The following ME3 variants were observed in gnomAD, a reference collection of about 807,000 sequenced individuals.
ME3 encodes the protein malic enzyme 3.
ME3 carries 48 observed loss-of-function variants against 68.9 expected under a neutral mutation model. The observed-to-expected ratio is 0.70, with a 90% CI of 0.55 to 0.89. The LOEUF (loss-of-function observed/expected upper bound fraction) is 0.89, where lower values mean the gene tolerates loss of function less well. Ranked by LOEUF, ME3 falls within the 40% of genes least tolerant of loss-of-function variation. ME3 has a pLI of 0.00. For synonymous variants in ME3, 320 were observed against 318.8 expected (o/e 1.00, Z -0.04); for missense variants, 675 against 797.4 (o/e 0.85, Z 1.85).
At position 86,669,687 on chromosome 11, in the gene ME3, A is replaced by G. The variant is rs1946802435; in HGVS notation, c.183+2075T>C. 5.3e-5 allele frequency among the ~76,000 whole-genome samples: 8 copies of G among 152,152 alleles called. No individual in the cohort carries two copies. In the South Asian group the frequency reaches 1.7e-3, roughly 32 times the overall value. On this transcript the variant is annotated intron_variant, in intron 2 of 14. Coordinates refer to ENST00000543262, the Ensembl canonical transcript of ME3. Reference sequence around the variant, plus strand: ...GGGATTATGGGGATTATAATTCAAGATGAGATTTGTATGGGGACACAGCCA... The same window carrying G: ...GGGATTATGGGGATTATAATTCAAGGTGAGATTTGTATGGGGACACAGCCA...
chr11:86,482,362 G>A (rs1418472151), intron 7 of ME3, among the ~76,000 whole-genome samples: 3 of 152,106 alleles, frequency 2.0e-5, no homozygotes, highest in Non-Finnish European at 2.9e-5. Context: ...AGTGTCTGGT[G>A]TACAGCAGGT....
chr11:86,537,698 T>C (rs1464492310), intron 4 of ME3, among the ~76,000 whole-genome samples: 1 of 152,214 alleles, frequency 6.6e-6, no homozygotes, highest in African/African-American at 2.4e-5. Context: ...CAAAGGCCTC[T>C]TAGGAGGCAA....
intron 2 of ME3, among the ~76,000 whole-genome samples, chr11:86,606,767 T>C (rs1179987782): frequency 1.3e-5 from 2 of 152,208 alleles, no homozygotes; most frequent in East Asian, 1.9e-4. Flanking sequence ...GGTTGGTTGA[T>C]TGGTATTGAT....
chr11:86,565,586 A>T (rs1206515928), intron 2 of ME3, among the ~76,000 whole-genome samples: 2 of 152,264 alleles, frequency 1.3e-5, no homozygotes, highest in Non-Finnish European at 1.5e-5. Context: ...TTCATGGATG[A>T]ACCTTGAAAA....
chr11:86,610,624 G>T (rs1396157132), intron 2 of ME3, among the ~76,000 whole-genome samples: 1 of 141,652 alleles, frequency 7.1e-6, no homozygotes, highest in Non-Finnish European at 1.5e-5. Flanking sequence ...GTGCATGCAT[G>T]AATCTATTGG....
At chr11:86,662,675 G>T (rs532285666) in intron 2 of ME3, among the ~76,000 whole-genome samples, 5 of 152,298 alleles carry the variant, frequency 3.3e-5, no homozygotes, top group Admixed American at 2.0e-4. Context: ...TTGTGGTATT[G>T]TATTAAATGG....
chr11:86,671,630 C>T lies in ME3; in HGVS notation c.183+132G>A, dbSNP rs1008278485. The T allele has an allele frequency of 5.4e-6, 6 of 1,119,778 alleles. No individual in the cohort carries two copies. The South Asian group carries it at 8.8e-5, about 16-fold the overall frequency. The allele number at this position is 1,119,778 out of a possible 1,614,324, so 69.4% of individuals were successfully genotyped here. On this transcript the variant is annotated intron_variant, in intron 2 of 14. Coordinates refer to ENST00000543262, the Ensembl canonical transcript of ME3. ...AAGCCAAACCAAGTCACAACAAGCC[C>T]CTGCAAGGCAAAAACAGAAAAACCG... is the stretch of plus-strand genomic sequence containing the variant.
intron 4 of ME3, among the ~76,000 whole-genome samples, chr11:86,541,567 A>T (rs1281667572): frequency 6.6e-5 from 10 of 152,316 alleles, no homozygotes; most frequent in South Asian, 6.2e-4. Context: ...ACAGTACCAC[A>T]AAGCCACTGT....
At chr11:86,450,081 A>T in intron 9 of ME3, 79 bp from the exon 10 acceptor site, 1 of 1,234,670 alleles carries the variant, frequency 8.1e-7, no homozygotes, top group Non-Finnish European at 1.2e-6. Context: ...TGCCATAAGG[A>T]CCCCCTTTTC....
At chr11:86,507,354 T>C (rs1427986338) in intron 5 of ME3, among the ~76,000 whole-genome samples, 1 of 152,204 alleles carries the variant, frequency 6.6e-6, no homozygotes, top group Admixed American at 6.5e-5. Flanking sequence ...ACCTTCTCTG[T>C]ATCTGAACTT....
intron 7 of ME3, among the ~76,000 whole-genome samples, chr11:86,486,692 G>A (rs949126428): frequency 6.6e-6 from 1 of 152,246 alleles, no homozygotes; most frequent in Non-Finnish European, 1.5e-5. Context: ...TTCTCTCAGA[G>A]TAAACATGGG....
intron 2 of ME3, among the ~76,000 whole-genome samples, chr11:86,578,119 TG>T (rs1958222049): frequency 6.6e-6 from 1 of 152,202 alleles, no homozygotes; most frequent in Non-Finnish European, 1.5e-5. Flanking sequence ...GGTGGATAGT[TG>T]GAAAGATTAT....
chr11:86,541,199 C>T (rs1201805003), intron 4 of ME3, among the ~76,000 whole-genome samples: 82 of 152,088 alleles, frequency 5.4e-4, no homozygotes, highest in Admixed American at 5.3e-3. Flanking sequence ...GTTTCAAGCA[C>T]AAAACTGGGC....
chr11:86,511,380 C>T (rs1452216560), intron 4 of ME3, among the ~76,000 whole-genome samples: 2 of 152,176 alleles, frequency 1.3e-5, no homozygotes, highest in Non-Finnish European at 2.9e-5. Flanking sequence ...TGGTCTTTTT[C>T]CATTCCTTTA....
At chr11:86,513,674 G>A (rs776456890) in intron 4 of ME3, among the ~76,000 whole-genome samples, 1 of 152,136 alleles carries the variant, frequency 6.6e-6, no homozygotes, top group Non-Finnish European at 1.5e-5. Context: ...AGTATATTGA[G>A]GAAGTAAAAT....
At chr11:86,537,826 G>A (rs1249441054) in intron 4 of ME3, among the ~76,000 whole-genome samples, 1 of 152,182 alleles carries the variant, frequency 6.6e-6, no homozygotes, top group African/African-American at 2.4e-5. Context: ...AGCTGTGCAG[G>A]GAGGTTTCAA....
At chr11:86,614,565 C>T (rs1942821810) in intron 2 of ME3, among the ~76,000 whole-genome samples, 1 of 152,166 alleles carries the variant, frequency 6.6e-6, no homozygotes, top group South Asian at 2.1e-4. Context: ...GCATAACCTT[C>T]TCTGAGGGAC....
At chr11:86,588,193 T>C (rs1368282167) in intron 2 of ME3, among the ~76,000 whole-genome samples, 1 of 152,138 alleles carries the variant, frequency 6.6e-6, no homozygotes, top group East Asian at 1.9e-4. Context: ...GAGAGACAAA[T>C]AGTTTCACAA....
intron 2 of ME3, among the ~76,000 whole-genome samples, chr11:86,572,613 C>T (rs1033784718): frequency 5.3e-5 from 8 of 152,092 alleles, no homozygotes; most frequent in African/African-American, 9.7e-5. Flanking sequence ...GATATGATCT[C>T]GTTTTTTATA....
Sources: allele counts gnomAD v4.1 joint callset (sites outside exome capture counted in the v4.1 genomes callset), GRCh38; gene constraint gnomAD v4.1.1; transcripts MANE v1.5; gene names NCBI Gene and HGNC (gene_info 2026-07-23, HGNC 2026-07-21).